Variants in BCKDK observed in about 807,000 individuals in gnomAD.
BCKDK encodes the protein branched-chain alpha-ketoacid dehydrogenase kinase.
Under a neutral mutation model 43.9 loss-of-function variants are expected in BCKDK, and 28 were observed. The observed-to-expected ratio is 0.64, with a 90% CI of 0.47 to 0.87. BCKDK has a LOEUF of 0.87. BCKDK is among the 40% of genes least tolerant of loss of function. The pLI, the probability that BCKDK is intolerant of heterozygous loss-of-function variation, is 0.00. For missense variants in BCKDK, 483 were observed against 581.4 expected, an observed-to-expected ratio of 0.83 and a Z score of 1.74; for synonymous variants, 257 against 234.3, an observed-to-expected ratio of 1.10 and a Z score of -0.88.
At chr16:31,113,650 A>C (rs1034047360), downstream of BCKDK, among the ~76,000 whole-genome samples, 1 of 152,054 alleles carries the variant, frequency 6.6e-6, no homozygotes, top group Non-Finnish European at 1.5e-5. Context: ...TTTTTTGTAG[A>C]AACAGGGTTT....
downstream of BCKDK, among the ~76,000 whole-genome samples, chr16:31,115,539 CTTT>C (rs543750810): frequency 5.4e-3 from 820 of 150,770 alleles, 2 homozygotes; most frequent in Admixed American, 8.8e-3. Context: ...TCTTTCCCCC[CTTT>C]TTTTTTGAGA....
chr16:31,109,706 G>A lies in BCKDK; in HGVS notation c.298G>A (p.Val100Met). Residue 100 changes from valine to methionine, a missense_variant, in exon 4 of 12, where the codon GTG becomes ATG. Physicochemically the swap from Val to Met is conservative, Grantham distance 21. Coordinates refer to ENST00000219794, the MANE Select transcript of BCKDK (RefSeq NM_005881.4). The surrounding 1 kb of genome is among the most constrained non-coding windows in gnomAD (Gnocchi z 5.3). Reference sequence around the variant, plus strand: ...TCGGTACCTGCAGCAAGAACTTCCAGTGAGGATTGCTCACCGCATCAAGGG... The same window carrying A: ...TCGGTACCTGCAGCAAGAACTTCCAATGAGGATTGCTCACCGCATCAAGGG... ...SARYLQQELP[V>M]RIAHRIKGFR... 1 of 1,613,986 alleles carries A rather than the reference G, an allele frequency of 6.2e-7. No homozygotes were observed. The highest frequency in any genetic ancestry group is 8.5e-7 in the Non-Finnish European group (1 of 1,180,024).
At chr16:31,117,581 G>A, downstream of BCKDK, 3 of 1,010,858 alleles carry the variant, frequency 3.0e-6, no homozygotes, top group Non-Finnish European at 4.0e-6. Context: ...CTACATCACA[G>A]ACCCCGCCCT....
intron 10 of BCKDK, 100 bp from the exon 11 acceptor site, chr16:31,111,769 G>C: frequency 6.7e-7 from 1 of 1,489,172 alleles, no homozygotes; most frequent in South Asian, 1.2e-5. Flanking sequence ...CCAGCTCTGG[G>C]TGGAAGGAAC....
At chr16:31,117,404 A>G (rs2057454879), downstream of BCKDK, 1 of 299,250 alleles carries the variant, frequency 3.3e-6, no homozygotes, top group East Asian at 5.2e-5. Flanking sequence ...AAATAAATTA[A>G]AAAAAGGTTG....
Position 31,110,151 on chromosome 16 carries a change from G to T in BCKDK, c.423+27G>T. On this transcript the variant is annotated intron_variant, in intron 5 of 11. Transcript: ENST00000219794. The surrounding 1 kb of genome is among the most constrained non-coding windows in gnomAD (Gnocchi z 5.4). ...TGAGTGCTGGGCCAGAGCAGGGTGA[G>T]GGGCTGAGAGGTTGGGCTTGGACCA... The T allele has an allele frequency of 6.2e-7, 1 of 1,614,210 alleles. No homozygotes were observed. The highest frequency in any genetic ancestry group is 1.1e-5 in the South Asian group (1 of 91,088).
At position 31,109,469 on chromosome 16, in the gene BCKDK, A is replaced by G. The variant is rs1596808268; in HGVS notation, c.196-42A>G. 6.2e-7 allele frequency: 1 copy of G among 1,613,214 alleles called. No homozygotes were observed. The highest frequency in any genetic ancestry group is 1.7e-5 in the Admixed American group (1 of 59,948). Reference sequence around the variant, plus strand: ...GGTCCGGGATGTAGGCGGGAGGGAGAGTGTTGGGGGTTCTCTGCTCAAGGC... The same window carrying G: ...GGTCCGGGATGTAGGCGGGAGGGAGGGTGTTGGGGGTTCTCTGCTCAAGGC... On this transcript the variant is annotated intron_variant, in intron 2 of 11. Transcript: ENST00000219794. The surrounding 1 kb of genome is among the most constrained non-coding windows in gnomAD (Gnocchi z 5.3).
chr16:31,115,115 G>A (rs1225595099), downstream of BCKDK, among the ~76,000 whole-genome samples: 3 of 151,764 alleles, frequency 2.0e-5, no homozygotes, highest in Non-Finnish European at 2.9e-5. Flanking sequence ...TAGAGACGGG[G>A]TTTCACAATG....
chr16:31,110,603 G>A lies in BCKDK; in HGVS notation c.643-85G>A. 1 of 1,586,528 alleles carries A rather than the reference G, an allele frequency of 6.3e-7. No homozygotes were observed. Among genetic ancestry groups the A allele is most frequent in the South Asian group, 1.1e-5 (1 of 90,430 alleles). On this transcript the variant is annotated intron_variant, in intron 7 of 11. Coordinates refer to ENST00000219794, the MANE Select transcript of BCKDK (RefSeq NM_005881.4). The surrounding 1 kb of genome is among the most constrained non-coding windows in gnomAD (Gnocchi z 5.4). Reference sequence around the variant, plus strand: ...GCCTGGGGGCTGAGGCTGTGGGGCTGGTGCTTTGGGGCAGTTCCGAAGTTG... The same window carrying A: ...GCCTGGGGGCTGAGGCTGTGGGGCTAGTGCTTTGGGGCAGTTCCGAAGTTG...
downstream of BCKDK, among the ~76,000 whole-genome samples, chr16:31,116,866 G>A (rs537881957): frequency 6.2e-4 from 89 of 142,582 alleles, no homozygotes; most frequent in African/African-American, 2.2e-3. Context: ...GCAGTGAGCC[G>A]AGATCGCGTC....
At position 31,110,219 on chromosome 16, in the gene BCKDK, G is replaced by A. The variant is rs377618397; in HGVS notation, c.438G>A (p.Ala146=). ...LTDFPPIKDQ[A]DEAQYCQLVR... ...GTGACCTGCAGATCAAGGACCAGGC[G>A]GACGAGGCCCAGTACTGCCAGCTGG... Residue 146 remains alanine, a synonymous_variant, in exon 6 of 12, where the codon GCG becomes GCA. Transcript: ENST00000219794. The surrounding 1 kb of genome is among the most constrained non-coding windows in gnomAD (Gnocchi z 5.4). 28 of 1,613,978 alleles carry A rather than the reference G, an allele frequency of 1.7e-5. No individual in the cohort carries two copies. The highest frequency in any genetic ancestry group is 9.3e-5 in the African/African-American group (7 of 74,906).
At chr16:31,116,210 C>A (rs1333729316), downstream of BCKDK, among the ~76,000 whole-genome samples, 1 of 151,736 alleles carries the variant, frequency 6.6e-6, no homozygotes, top group Non-Finnish European at 1.5e-5. Context: ...ACCACCGCAC[C>A]CGGCCTTTTT....
At position 31,112,528 on chromosome 16, in the gene BCKDK, C is replaced by T; in HGVS notation, c.*263C>T. 1 of 591,118 alleles carries T rather than the reference C, an allele frequency of 1.7e-6. No individual in the cohort carries two copies. The highest frequency in any genetic ancestry group is 3.0e-6 in the Non-Finnish European group (1 of 330,444). The allele number at this position is 591,118 out of a possible 1,614,324, so 36.6% of individuals were successfully genotyped here. A position where few individuals can be genotyped will look rare whatever the true frequency, so the allele number is the denominator to read the frequency against. On this transcript the variant is annotated 3_prime_UTR_variant, in exon 12 of 12. Transcript: ENST00000219794. This position sits in a 1 kb window ranked among gnomAD's most constrained non-coding sequence, Gnocchi z 5.0. ...CGTCATTCTCGTTCCTGGGGAACCC[C>T]CACTCTGACCTGTTATTAAAGTTCA...
chr16:31,114,824 T>C (rs1171123535), downstream of BCKDK, among the ~76,000 whole-genome samples: 1 of 152,266 alleles, frequency 6.6e-6, no homozygotes, highest in Non-Finnish European at 1.5e-5. Flanking sequence ...CAGTTGGCCC[T>C]GCCAAACAGC....
chr16:31,112,397 C>G lies in BCKDK; in HGVS notation c.*132C>G. The G allele has an allele frequency of 7.1e-7, 1 of 1,413,056 alleles. No homozygotes were observed. Among genetic ancestry groups the G allele is most frequent in the African/African-American group, 1.4e-5 (1 of 70,946 alleles). The allele number at this position is 1,413,056 out of a possible 1,614,324, so 87.5% of individuals were successfully genotyped here. On this transcript the variant is annotated 3_prime_UTR_variant, in exon 12 of 12. Transcript: ENST00000219794. The surrounding 1 kb of genome is among the most constrained non-coding windows in gnomAD (Gnocchi z 5.0). Reference sequence around the variant, plus strand: ...GGTCTCAGGGACCCAGACAGATGGACTTACATGGAGCTGGGCACTGCCCTG... The same window carrying G: ...GGTCTCAGGGACCCAGACAGATGGAGTTACATGGAGCTGGGCACTGCCCTG...
Position 31,110,125 on chromosome 16 carries a change from G to A in BCKDK, c.423+1G>A. On this transcript the variant is annotated splice_donor_variant, in intron 5 of 11. Transcript: ENST00000219794. LOFTEE classifies it high-confidence loss of function. The surrounding 1 kb of genome is among the most constrained non-coding windows in gnomAD (Gnocchi z 5.4). ...CCAGAAGCTGACAGACTTCCCTCCG[G>A]TGAGTGCTGGGCCAGAGCAGGGTGA... 3 of 1,614,174 alleles carry A rather than the reference G, an allele frequency of 1.9e-6. No individual in the cohort carries two copies. The highest frequency in any genetic ancestry group is 2.5e-6 in the Non-Finnish European group (3 of 1,180,034).
Position 31,110,306 on chromosome 16 carries a change from G to A in BCKDK, c.525G>A (p.Glu175=). Residue 175 remains glutamate (E), a synonymous_variant, in exon 6 of 12, where the codon GAG becomes GAA. Coordinates refer to ENST00000219794, the MANE Select transcript of BCKDK (RefSeq NM_005881.4). This position sits in a 1 kb window ranked among gnomAD's most constrained non-coding sequence, Gnocchi z 5.4. ...VVTLLAEGLR[E]SRKHIEDEKL... ...CCCTCTTGGCAGAGGGCCTACGTGA[G>A]AGCCGGAAGCACATAGAGGTTGGGG... 1.2e-6 allele frequency: 2 copies of A among 1,614,050 alleles called. No individual in the cohort carries two copies. Among genetic ancestry groups the A allele is most frequent in the Non-Finnish European group, 1.7e-6 (2 of 1,179,972 alleles).
At chr16:31,117,577 C>T (rs1215691611), downstream of BCKDK, 2 of 990,218 alleles carry the variant, frequency 2.0e-6, no homozygotes, top group Non-Finnish European at 2.7e-6. Context: ...CCTGCTACAT[C>T]ACAGACCCCG....
At position 31,110,301 on chromosome 16, in the gene BCKDK, CG is replaced by C. The variant is rs1481637712; in HGVS notation, c.521del (p.Arg174LeufsTer7). The C allele has an allele frequency of 6.2e-7, 1 of 1,613,824 alleles. No individual in the cohort carries two copies. The highest frequency in any genetic ancestry group is 8.5e-7 in the Non-Finnish European group (1 of 1,179,982). On this transcript the variant is annotated frameshift_variant, in exon 6 of 12. Transcript: ENST00000219794. LOFTEE classifies it high-confidence loss of function. The surrounding 1 kb of genome is among the most constrained non-coding windows in gnomAD (Gnocchi z 5.4). ...DVVTLLAEGLRESRKHIEDEK... is the reference protein window; with the variant it reads ...DVVTLLAEGLXESRKHIEDEK... Reference sequence around the variant, plus strand: ...GGTGACCCTCTTGGCAGAGGGCCTACGTGAGAGCCGGAAGCACATAGAGGTT... The same window carrying C: ...GGTGACCCTCTTGGCAGAGGGCCTACTGAGAGCCGGAAGCACATAGAGGTT...
Sources: gnomAD v4.1 joint callset for allele counts (sites outside exome capture counted in the v4.1 genomes callset) on GRCh38, gnomAD v4.1.1 for gene constraint, Gnocchi (gnomAD v3.1) non-coding constraint, MANE v1.5 for transcripts, NCBI Gene and HGNC (gene_info 2026-07-23, HGNC 2026-07-21) for gene names.